The following MAGI1 variants were observed in gnomAD, a reference collection of about 807,000 sequenced individuals.
The protein encoded by MAGI1 is membrane associated guanylate kinase, WW and PDZ domain containing 1.
In MAGI1, 58 loss-of-function variants were observed where a neutral mutation model predicts 139.9. The observed-to-expected ratio is 0.41, with a 90% CI of 0.34 to 0.52. MAGI1 has a LOEUF of 0.52. Among genes scored for constraint, MAGI1 ranks in the 20% least tolerant of loss-of-function variants. MAGI1 has a pLI of 0.12. For synonymous variants in MAGI1, 812 were observed against 737.9 expected, an observed-to-expected ratio of 1.10 and a Z score of -1.63; for missense variants, 1,874 against 1,901.6, an observed-to-expected ratio of 0.99 and a Z score of 0.27.
At chr3:65,425,116 A>C (rs1575697228) in intron 12 of MAGI1, among the ~76,000 whole-genome samples, 1 of 48,710 alleles carries the variant, frequency 2.1e-5, no homozygotes, top group African/African-American at 9.3e-5. Context: ...TCTAAAAAAA[A>C]AAAAAAAAAA....
intron 1 of MAGI1, among the ~76,000 whole-genome samples, chr3:65,704,207 C>G (rs1008631482): frequency 6.6e-6 from 1 of 152,208 alleles, no homozygotes; most frequent in African/African-American, 2.4e-5. Flanking sequence ...ATGTTTTATT[C>G]CACCAACACG....
chr3:65,558,784 C>G (rs1003190343), intron 2 of MAGI1, among the ~76,000 whole-genome samples: 1 of 152,244 alleles, frequency 6.6e-6, no homozygotes, highest in South Asian at 2.1e-4. Flanking sequence ...ATTTTAACCA[C>G]CAACTCAGAA....
intron 1 of MAGI1, among the ~76,000 whole-genome samples, chr3:65,716,702 C>G (rs1326928177): frequency 1.3e-5 from 2 of 152,088 alleles, no homozygotes; most frequent in Non-Finnish European, 2.9e-5. Flanking sequence ...TCATGGGACC[C>G]AAGATAAAAC....
intron 1 of MAGI1, among the ~76,000 whole-genome samples, chr3:65,824,887 C>A (rs1397721540): frequency 6.6e-6 from 1 of 152,174 alleles, no homozygotes; most frequent in African/African-American, 2.4e-5. Flanking sequence ...ACCAAAGCAT[C>A]TGTGGGAATA....
chr3:65,690,858 G>T (rs569106918), intron 1 of MAGI1, among the ~76,000 whole-genome samples: 1 of 132,538 alleles, frequency 7.5e-6, no homozygotes, highest in Non-Finnish European at 1.6e-5. Context: ...TGATGCCTAT[G>T]AAATACCATG....
chr3:65,409,258 T>C (rs1945590864), intron 12 of MAGI1, among the ~76,000 whole-genome samples: 1 of 152,184 alleles, frequency 6.6e-6, no homozygotes, highest in Non-Finnish European at 1.5e-5. Context: ...AGCAACCGTT[T>C]TATAATTCAC....
At chr3:65,840,825 C>T (rs149621873) in intron 1 of MAGI1, among the ~76,000 whole-genome samples, 4,029 of 152,172 alleles carry the variant, frequency 0.026, 96 homozygotes, top group Middle Eastern at 0.048. Context: ...GAATTATTTC[C>T]TCTTCTTCTA....
intron 1 of MAGI1, among the ~76,000 whole-genome samples, chr3:65,848,050 A>C (rs2059069335): frequency 6.6e-6 from 1 of 152,158 alleles, no homozygotes; most frequent in African/African-American, 2.4e-5. Context: ...CCCTTCCCCG[A>C]TAGAAGAACA....
At chr3:65,555,422 G>A (rs937025509) in intron 2 of MAGI1, among the ~76,000 whole-genome samples, 1 of 152,214 alleles carries the variant, frequency 6.6e-6, no homozygotes, top group Non-Finnish European at 1.5e-5. Context: ...GACAGGATAT[G>A]GCTCCTGTTC....
intron 1 of MAGI1, among the ~76,000 whole-genome samples, chr3:65,797,477 C>A (rs1244742124): frequency 1.3e-5 from 2 of 152,208 alleles, no homozygotes; most frequent in African/African-American, 4.8e-5. Flanking sequence ...AATCCCAGTA[C>A]TTTGAGCAGT....
intron 1 of MAGI1, among the ~76,000 whole-genome samples, chr3:65,733,427 G>A (rs1275383866): frequency 2.0e-5 from 3 of 152,160 alleles, no homozygotes; most frequent in Admixed American, 2.0e-4. Flanking sequence ...ATTTTAGAAT[G>A]TTTGACCTCA....
intron 5 of MAGI1, among the ~76,000 whole-genome samples, chr3:65,455,869 T>G (rs555508520): frequency 6.6e-6 from 1 of 152,262 alleles, no homozygotes; most frequent in East Asian, 1.9e-4. Flanking sequence ...CAATAATCAA[T>G]TCTTTTCATT....
intron 1 of MAGI1, among the ~76,000 whole-genome samples, chr3:65,637,609 A>AAAGG (rs2084716255): frequency 1.3e-5 from 2 of 148,972 alleles, no homozygotes; most frequent in Admixed American, 1.3e-4. Flanking sequence ...AGAAAGAAAG[A>AAAGG]AAGAAAGAAA....
At chr3:65,593,601 A>C (rs1331509433) in intron 2 of MAGI1, among the ~76,000 whole-genome samples, 1 of 152,206 alleles carries the variant, frequency 6.6e-6, no homozygotes, top group Non-Finnish European at 1.5e-5. Flanking sequence ...TGATTTTTCA[A>C]GGAGTTGTAC....
chr3:65,386,296 G>T (rs752235954), intron 14 of MAGI1, among the ~76,000 whole-genome samples: 4 of 151,162 alleles, frequency 2.6e-5, no homozygotes, highest in Non-Finnish European at 5.9e-5. Flanking sequence ...AGTGGTAAAT[G>T]GCAAATTTAT....
At chr3:65,447,872 A>G (rs1948771565) in intron 7 of MAGI1, 150 bp downstream of exon 7, 2 of 914,172 alleles carry the variant, frequency 2.2e-6, no homozygotes, top group Non-Finnish European at 3.6e-6. Context: ...AGGTTGTAAG[A>G]CTGACCTTTC....
intron 1 of MAGI1, among the ~76,000 whole-genome samples, chr3:65,743,756 G>GT (rs1471118635): frequency 6.6e-6 from 1 of 151,664 alleles, no homozygotes; most frequent in Non-Finnish European, 1.5e-5. Context: ...GTCACTAAGG[G>GT]TTTTGTTAAA....
intron 2 of MAGI1, among the ~76,000 whole-genome samples, chr3:65,547,876 G>C (rs2107944855): frequency 6.6e-6 from 1 of 152,296 alleles, no homozygotes; most frequent in African/African-American, 2.4e-5. Flanking sequence ...TCAGGGCAGA[G>C]CCTGGAGTTC....
intron 1 of MAGI1, among the ~76,000 whole-genome samples, chr3:65,991,780 C>T (rs1212229333): frequency 6.6e-6 from 1 of 152,052 alleles, no homozygotes; most frequent in Non-Finnish European, 1.5e-5. Flanking sequence ...TTTGAGAGGC[C>T]GAGGTGGGTG....
Sources: allele counts gnomAD v4.1 joint callset (sites outside exome capture counted in the v4.1 genomes callset), GRCh38; gene constraint gnomAD v4.1.1; transcripts MANE v1.5; gene names NCBI Gene and HGNC (gene_info 2026-07-23, HGNC 2026-07-21).